The following RCAN2 variants were observed in gnomAD, a reference collection of about 807,000 sequenced individuals.
RCAN2 encodes the protein regulator of calcineurin 2, also known as calcipressin-2.
Under a neutral mutation model 23.6 loss-of-function variants are expected in RCAN2, and 9 were observed. The observed-to-expected ratio is 0.38, with a 90% CI of 0.23 to 0.67. The LOEUF (loss-of-function observed/expected upper bound fraction) is 0.67, where lower values mean the gene tolerates loss of function less well. Ranked by LOEUF, RCAN2 falls within the 30% of genes least tolerant of loss-of-function variation. The probability of loss-of-function intolerance (pLI) is 0.51; values close to 1 mark genes in which losing one functional copy is unlikely to be tolerated. For synonymous variants in RCAN2, 109 were observed against 115.7 expected (o/e 0.94, Z 0.37); for missense variants, 273 against 302.3 (o/e 0.90, Z 0.72).
At chr6:46,264,728 C>T (rs1354403940) in intron 2 of RCAN2, among the ~76,000 whole-genome samples, 1 of 152,150 alleles carries the variant, frequency 6.6e-6, no homozygotes, top group African/African-American at 2.4e-5. Flanking sequence ...GAAACAAAAC[C>T]GACTCTTCGG....
At chr6:46,320,183 T>C (rs558373239) in intron 2 of RCAN2, among the ~76,000 whole-genome samples, 2 of 152,320 alleles carry the variant, frequency 1.3e-5, no homozygotes, top group South Asian at 4.1e-4. Context: ...TGATTGGTTG[T>C]GCCCAGATCC....
intron 2 of RCAN2, among the ~76,000 whole-genome samples, chr6:46,402,113 A>G (rs1766263664): frequency 6.6e-6 from 1 of 152,200 alleles, no homozygotes; most frequent in Non-Finnish European, 1.5e-5. Context: ...AATATTAAGA[A>G]TGTGTGTAAC....
intron 2 of RCAN2, among the ~76,000 whole-genome samples, chr6:46,375,812 A>G (rs1765444240): frequency 6.6e-6 from 1 of 152,270 alleles, no homozygotes; most frequent in Non-Finnish European, 1.5e-5. Context: ...TTATAGAAAC[A>G]GAAATCTGAA....
intron 2 of RCAN2, among the ~76,000 whole-genome samples, chr6:46,350,222 A>AAT (rs1168755675): frequency 6.6e-6 from 1 of 152,244 alleles, no homozygotes; most frequent in African/African-American, 2.4e-5. Context: ...TTAATGCATG[A>AAT]ATGGAGCAGG....
Position 46,456,901 on chromosome 6 carries a change from A to G in RCAN2, c.76T>C (p.Phe26Leu). The change falls in exon 2 of 5, where the codon TTC becomes CTC. Residue 26 changes from phenylalanine (F) to leucine (L), a missense_variant. Phe to Leu is a conservative substitution (Grantham distance 22, BLOSUM62 0). Transcript: ENST00000371374. ...TCCCTGTCTATGCAGCACAGTAAGAAAAGTCCTCCATCTTCAGGGACGTGT... is the reference window on the plus strand; with the variant it reads ...TCCCTGTCTATGCAGCACAGTAAGAGAAGTCCTCCATCTTCAGGGACGTGT... Reference protein sequence around the residue: ...QGHVPEDGGLFLLCCIDRDWA... With the variant: ...QGHVPEDGGLLLLCCIDRDWA... 1 of 1,550,734 alleles carries G rather than the reference A, an allele frequency of 6.4e-7. No individual in the cohort carries two copies. Among genetic ancestry groups the G allele is most frequent in the Non-Finnish European group, 8.7e-7 (1 of 1,147,024 alleles).
chr6:46,247,278 C>T (rs1403886435), intron 3 of RCAN2, among the ~76,000 whole-genome samples: 1 of 152,198 alleles, frequency 6.6e-6, no homozygotes, highest in East Asian at 1.9e-4. Flanking sequence ...TCCCACCACG[C>T]ACCTGCCAAA....
At chr6:46,224,366 G>T (rs867406870) in intron 4 of RCAN2, among the ~76,000 whole-genome samples, 1 of 152,090 alleles carries the variant, frequency 6.6e-6, no homozygotes, top group African/African-American at 2.4e-5. Context: ...TATCCTCCTG[G>T]TTAGTGGCTC....
intron 4 of RCAN2, among the ~76,000 whole-genome samples, chr6:46,238,734 G>A (rs986730220): frequency 2.6e-5 from 4 of 151,918 alleles, no homozygotes; most frequent in South Asian, 2.1e-4. Flanking sequence ...TTTATTTTTT[G>A]TAGAGACAGG....
In RCAN2 at chr6:46,429,857, A is replaced by G. The variant is rs527650868; in HGVS notation, c.225+26895T>C. Among the ~76,000 whole-genome samples the G allele has an allele frequency of 4.8e-4, 73 of 152,316 alleles. 1 individual carries two copies. The highest frequency in any genetic ancestry group is 1.5e-3 in the African/African-American group (62 of 41,572). ...GAGGTCTTGCACTGGCACAGGAGGG[A>G]TGCGGCTGGCAGTGTATATGGCAGA... On this transcript the variant is annotated intron_variant, in intron 2 of 4. Transcript: ENST00000371374.
rs181945174 is a variant in RCAN2 at position 46,423,350 on chromosome 6, T to C, written c.225+33402A>G. ...CCAGGACTCTAGATGGCCAATCCTATAGTGTTTGTATTTTACACTTTTCAA... is the reference window on the plus strand; with the variant it reads ...CCAGGACTCTAGATGGCCAATCCTACAGTGTTTGTATTTTACACTTTTCAA... On this transcript the variant is annotated intron_variant, in intron 2 of 4. Transcript: ENST00000371374. Among the ~76,000 whole-genome samples, 103 of 152,294 alleles carry C rather than the reference T, an allele frequency of 6.8e-4. 2 individuals carry two copies. Among genetic ancestry groups the C allele is most frequent in the Middle Eastern group, 3.4e-3 (1 of 294 alleles).
intron 2 of RCAN2, among the ~76,000 whole-genome samples, chr6:46,293,278 T>A (rs1196566531): frequency 1.3e-5 from 2 of 152,198 alleles, no homozygotes; most frequent in Admixed American, 6.5e-5. Context: ...TTCCTTGGAA[T>A]TAAGCTGAAA....
intron 2 of RCAN2, among the ~76,000 whole-genome samples, chr6:46,328,991 C>T (rs1247511484): frequency 6.6e-6 from 1 of 152,196 alleles, no homozygotes; most frequent in Admixed American, 6.5e-5. Context: ...CCAATGGCTA[C>T]AAGGCCTTGT....
intron 1 of RCAN2, among the ~76,000 whole-genome samples, chr6:46,482,538 A>C (rs1369858211): frequency 6.6e-6 from 1 of 152,214 alleles, no homozygotes; most frequent in African/African-American, 2.4e-5. Context: ...TGGGTCCCAA[A>C]CACCAGTTAG....
intron 2 of RCAN2, among the ~76,000 whole-genome samples, chr6:46,439,007 T>C (rs942788890): frequency 5.3e-5 from 8 of 152,236 alleles, no homozygotes; most frequent in Non-Finnish European, 1.2e-4. Flanking sequence ...AGGTATATCT[T>C]AGAATATAAT....
At chr6:46,420,164 C>A (rs1267363131) in intron 2 of RCAN2, among the ~76,000 whole-genome samples, 2 of 151,260 alleles carry the variant, frequency 1.3e-5, no homozygotes, top group Non-Finnish European at 2.9e-5. Flanking sequence ...GCCATACAAC[C>A]CTCACATTAA....
At chr6:46,376,830 G>A (rs1246559748) in intron 2 of RCAN2, among the ~76,000 whole-genome samples, 2 of 152,096 alleles carry the variant, frequency 1.3e-5, no homozygotes, top group Admixed American at 1.3e-4. Context: ...TGTAACAGAG[G>A]CAAAGTTTTG....
intron 2 of RCAN2, among the ~76,000 whole-genome samples, chr6:46,288,915 G>A (rs1002743629): frequency 3.3e-5 from 5 of 152,264 alleles, no homozygotes; most frequent in African/African-American, 9.6e-5. Context: ...AAATAAGTAT[G>A]ATGTAAATGC....
intron 1 of RCAN2, 148 bp downstream of exon 1, chr6:46,491,024 CG>C: frequency 6.7e-6 from 1 of 149,034 alleles, no homozygotes; most frequent in African/African-American, 2.4e-5. Context: ...CCACCGCCCC[CG>C]CCCCCGCCCC....
intron 4 of RCAN2, among the ~76,000 whole-genome samples, chr6:46,229,440 C>T (rs1765797761): frequency 1.3e-5 from 2 of 152,188 alleles, no homozygotes; most frequent in South Asian, 2.1e-4. Context: ...TTCACATAGT[C>T]GCTTATTTCT....
Sources: gnomAD v4.1 joint callset for allele counts (sites outside exome capture counted in the v4.1 genomes callset) on GRCh38, gnomAD v4.1.1 for gene constraint, MANE v1.5 for transcripts, NCBI Gene and HGNC (gene_info 2026-07-23, HGNC 2026-07-21) for gene names.